The following HOMER2 variants were observed in gnomAD, a reference collection of about 807,000 sequenced individuals.
The protein encoded by HOMER2 is homer scaffold protein 2.
Under a neutral mutation model 47.0 loss-of-function variants are expected in HOMER2, and 27 were observed. The observed-to-expected ratio is 0.57, with a 90% confidence interval of 0.42 to 0.79. HOMER2 has a LOEUF of 0.79. Ranked by LOEUF, HOMER2 falls within the 30% of genes least tolerant of loss-of-function variation. The probability of loss-of-function intolerance (pLI) is 0.00; values close to 1 mark genes in which losing one functional copy is unlikely to be tolerated. For synonymous variants in HOMER2, 161 were observed against 163.8 expected (o/e 0.98, Z 0.13); for missense variants, 443 against 435.0 (o/e 1.02, Z -0.16).
chr15:82,893,252 T>C (rs1327026263), intron 1 of HOMER2, among the ~76,000 whole-genome samples: 2 of 152,106 alleles, frequency 1.3e-5, no homozygotes, highest in African/African-American at 2.4e-5. Flanking sequence ...GATTTTCCAA[T>C]CTATTTGCAG....
chr15:82,961,006 G>A (rs567686147), intron 1 of HOMER2, among the ~76,000 whole-genome samples: 1 of 152,332 alleles, frequency 6.6e-6, no homozygotes, highest in South Asian at 2.1e-4. Context: ...TCCACCTCCA[G>A]CTCTTTCCCA....
At chr15:82,980,183 TATG>T (rs1431686360) in intron 1 of HOMER2, among the ~76,000 whole-genome samples, 1 of 152,142 alleles carries the variant, frequency 6.6e-6, no homozygotes, top group African/African-American at 2.4e-5. Context: ...AGTTATATAT[TATG>T]ATGTTTTGAT....
chr15:82,872,062 C>A (rs1202876648), intron 3 of HOMER2, among the ~76,000 whole-genome samples: 8 of 152,104 alleles, frequency 5.3e-5, no homozygotes, highest in Admixed American at 4.6e-4. Context: ...GACAGAAGCT[C>A]CCAAGCCTAT....
intron 1 of HOMER2, among the ~76,000 whole-genome samples, chr15:82,961,734 T>A (rs1242180567): frequency 2.0e-5 from 3 of 152,158 alleles, no homozygotes; most frequent in Non-Finnish European, 2.9e-5. Flanking sequence ...CTCACCACTA[T>A]CCATCTCCAG....
At chr15:82,918,608 T>C (rs1379798085) in intron 1 of HOMER2, among the ~76,000 whole-genome samples, 1 of 152,126 alleles carries the variant, frequency 6.6e-6, no homozygotes, top group Non-Finnish European at 1.5e-5. Context: ...CACCTGAATG[T>C]GTACCTCCAG....
chr15:82,943,571 T>C (rs1392327227), intron 1 of HOMER2, among the ~76,000 whole-genome samples: 1 of 152,258 alleles, frequency 6.6e-6, no homozygotes, highest in Non-Finnish European at 1.5e-5. Context: ...CTCTTCGTTT[T>C]TCCATTTATC....
intron 2 of HOMER2, among the ~76,000 whole-genome samples, chr15:82,882,439 A>T (rs1480978219): frequency 6.6e-6 from 1 of 152,224 alleles, no homozygotes; most frequent in South Asian, 2.1e-4. Flanking sequence ...GGCAGCCCCA[A>T]CACTGACATG....
intron 1 of HOMER2, among the ~76,000 whole-genome samples, chr15:82,976,678 GTTT>G (rs11422973): frequency 1.6e-5 from 2 of 125,204 alleles, no homozygotes; most frequent in African/African-American, 3.0e-5. Context: ...TTTGTGTGTG[GTTT>G]TTTTTTTTTT....
At chr15:82,956,358 C>A (rs2054587944), upstream of HOMER2, among the ~76,000 whole-genome samples, 1 of 151,862 alleles carries the variant, frequency 6.6e-6, no homozygotes, top group Admixed American at 6.6e-5. Context: ...GAGAATCATG[C>A]TGTTCTGAAG....
At position 82,888,846 on chromosome 15, in the gene HOMER2, A is replaced by AC. The variant is rs1202507839; in HGVS notation, c.162+3838dup. 1.2e-3 allele frequency among the ~76,000 whole-genome samples: 36 copies of AC among 29,590 alleles called. 11 individuals carry two copies. The highest frequency in any genetic ancestry group is 4.7e-3 in the African/African-American group (30 of 6,384). The allele number at this position is 29,590 out of a possible 152,430, so 19.4% of individuals were successfully genotyped here. ...TACCTCAGATGGAAATGCAGAAATC[A>AC]CCGTCTTCTGCGTCGCTCACGCTGG... On this transcript the variant is annotated intron_variant, in intron 2 of 8. Transcript: ENST00000450735.
rs2054535885 is a variant in HOMER2, at chr15:82,952,702, C to T, written c.-167G>A. On this transcript the variant is annotated 5_prime_UTR_variant, in exon 1 of 9. Transcript: ENST00000450735. ...GCGCGGCTGCCACTGCTGCCACTGC[C>T]GCCACCGCCGCCAGGCGCGGGCGGG... The T allele has an allele frequency of 1.0e-6, 1 of 983,800 alleles. No individual in the cohort carries two copies. The highest frequency in any genetic ancestry group is 1.2e-6 in the Non-Finnish European group (1 of 830,168). The allele number at this position is 983,800 out of a possible 1,614,324, so 60.9% of individuals were successfully genotyped here. A position where few individuals can be genotyped will look rare whatever the true frequency, so the allele number is the denominator to read the frequency against.
At chr15:82,922,610 T>A (rs1288915312) in intron 1 of HOMER2, among the ~76,000 whole-genome samples, 3 of 151,920 alleles carry the variant, frequency 2.0e-5, no homozygotes, top group African/African-American at 7.3e-5. Flanking sequence ...CTCAAACGAG[T>A]GAGACACAAG....
intron 1 of HOMER2, among the ~76,000 whole-genome samples, chr15:82,902,849 T>C (rs2053165589): frequency 6.6e-6 from 1 of 152,048 alleles, no homozygotes; most frequent in Non-Finnish European, 1.5e-5. Flanking sequence ...TCTACTTACA[T>C]ACTTTGTTCT....
At chr15:82,907,531 C>T (rs1596342705) in intron 1 of HOMER2, among the ~76,000 whole-genome samples, 1 of 150,528 alleles carries the variant, frequency 6.6e-6, no homozygotes, top group South Asian at 2.1e-4. Flanking sequence ...AAGAGAGAGA[C>T]AGAAAGGGAG....
chr15:82,861,016 CAAAA>C (rs1366845750), intron 4 of HOMER2, among the ~76,000 whole-genome samples: 12 of 101,090 alleles, frequency 1.2e-4, no homozygotes, highest in African/African-American at 4.3e-4. Context: ...GAAAAGAAAA[CAAAA>C]GAAAAAAAGA....
intron 4 of HOMER2, among the ~76,000 whole-genome samples, chr15:82,862,576 G>T (rs2051829612): frequency 6.6e-6 from 1 of 152,152 alleles, no homozygotes; most frequent in Non-Finnish European, 1.5e-5. Context: ...AAACTTTCTA[G>T]ACCATGGACA....
intron 3 of HOMER2, among the ~76,000 whole-genome samples, chr15:82,870,844 G>A (rs1459217756): frequency 1.3e-5 from 2 of 152,158 alleles, no homozygotes; most frequent in East Asian, 1.9e-4. Context: ...ATCAACCATG[G>A]TGCACTGGCA....
chr15:82,975,184 A>G (rs1291880411), intron 1 of HOMER2, among the ~76,000 whole-genome samples: 2 of 152,254 alleles, frequency 1.3e-5, no homozygotes, highest in Non-Finnish European at 2.9e-5. Flanking sequence ...CCCCAGTTAA[A>G]ATGGTTTATA....
chr15:82,971,891 G>T (rs1279454842), intron 1 of HOMER2, among the ~76,000 whole-genome samples: 1 of 152,146 alleles, frequency 6.6e-6, no homozygotes, highest in African/African-American at 2.4e-5. Flanking sequence ...TGGACACTAA[G>T]ATTTTAATCA....
Sources: gnomAD v4.1 joint callset for allele counts (sites outside exome capture counted in the v4.1 genomes callset) on GRCh38, gnomAD v4.1.1 for gene constraint, MANE v1.5 for transcripts, NCBI Gene and HGNC (gene_info 2026-07-23, HGNC 2026-07-21) for gene names.